The following PDE11A variants were observed in gnomAD, a reference collection of about 807,000 sequenced individuals.
The protein encoded by PDE11A is phosphodiesterase 11A.
PDE11A carries 100 observed loss-of-function variants against 100.5 expected under a neutral mutation model. That is an observed-to-expected ratio of 1.00 (90% confidence interval 0.85 to 1.18). PDE11A has a LOEUF of 1.18. Ranked by LOEUF, PDE11A falls within the 50% of genes most tolerant of loss-of-function variation. The pLI, the probability that PDE11A is intolerant of heterozygous loss-of-function variation, is 0.00. For synonymous variants in PDE11A, 381 were observed against 420.8 expected, an observed-to-expected ratio of 0.91 and a Z score of 1.16; for missense variants, 1,141 against 1,152.6, an observed-to-expected ratio of 0.99 and a Z score of 0.15.
intron 15 of PDE11A, among the ~76,000 whole-genome samples, chr2:177,695,406 G>A (rs151005690): frequency 3.3e-5 from 5 of 152,172 alleles, no homozygotes; most frequent in African/African-American, 9.6e-5. Context: ...AATGTTTCAT[G>A]GGACATCTAA....
At chr2:177,820,565 C>A (rs923954139) in intron 6 of PDE11A, among the ~76,000 whole-genome samples, 6 of 151,852 alleles carry the variant, frequency 4.0e-5, no homozygotes, top group African/African-American at 1.4e-4. Context: ...CCATAGAGAG[C>A]TGGACATAAA....
intron 5 of PDE11A, among the ~76,000 whole-genome samples, chr2:177,844,085 G>A (rs1193964391): frequency 1.3e-5 from 2 of 152,198 alleles, no homozygotes; most frequent in Admixed American, 1.3e-4. Flanking sequence ...GAGACAGATA[G>A]GAAAGTTGAT....
chr2:177,679,558 T>G (rs2080829432), intron 16 of PDE11A, among the ~76,000 whole-genome samples: 1 of 152,188 alleles, frequency 6.6e-6, no homozygotes, highest in South Asian at 2.1e-4. Flanking sequence ...ATTAGCAATG[T>G]TTGATTTGTT....
chr2:177,776,753 A>G (rs559795639), intron 9 of PDE11A, among the ~76,000 whole-genome samples: 7 of 152,304 alleles, frequency 4.6e-5, no homozygotes, highest in African/African-American at 7.2e-5. Flanking sequence ...CACAGAGAGA[A>G]GGTGGCCATC....
chr2:177,960,524 CTT>C (rs2085618636), intron 2 of PDE11A, among the ~76,000 whole-genome samples: 1 of 151,696 alleles, frequency 6.6e-6, no homozygotes, highest in Non-Finnish European at 1.5e-5. Context: ...TCAGAATAAA[CTT>C]AGGAGAACTA....
intron 10 of PDE11A, among the ~76,000 whole-genome samples, chr2:177,761,395 GC>G (rs138864290): frequency 0.011 from 1,637 of 152,244 alleles, 34 homozygotes; most frequent in African/African-American, 0.037. Context: ...AAGTTCTTTT[GC>G]CATAAAAATG....
chr2:177,749,909 C>T (rs1168217602), intron 10 of PDE11A, among the ~76,000 whole-genome samples: 3 of 152,118 alleles, frequency 2.0e-5, no homozygotes, highest in African/African-American at 4.8e-5. Context: ...TATGTAGGCT[C>T]ATATTAGGAA....
At chr2:177,718,053 C>G (rs1364608376) in intron 12 of PDE11A, among the ~76,000 whole-genome samples, 1 of 152,186 alleles carries the variant, frequency 6.6e-6, no homozygotes, top group Non-Finnish European at 1.5e-5. Flanking sequence ...TAAGAAGTGT[C>G]ATTAAGTGCC....
chr2:177,817,278 C>T (rs2083055332), intron 8 of PDE11A, among the ~76,000 whole-genome samples: 1 of 152,066 alleles, frequency 6.6e-6, no homozygotes, highest in African/African-American at 2.4e-5. Flanking sequence ...AGTTGCTAGG[C>T]TATAAAATAC....
At position 177,625,417 on chromosome 2, in the gene PDE11A, G is replaced by A. The variant is rs950280010; in HGVS notation, c.*3990C>T. On this transcript the variant is annotated 3_prime_UTR_variant, in exon 20 of 20. Coordinates refer to ENST00000286063, the MANE Select transcript of PDE11A (RefSeq NM_016953.4). ...CAGCTGGTGGCCAAGCTAGGAGGGA[G>A]TTCCAGTCTGCTATGCACTGAATGG... is the stretch of plus-strand genomic sequence containing the variant. 26 of 152,734 alleles carry A rather than the reference G, an allele frequency of 1.7e-4. No individual in the cohort carries two copies. The highest frequency in any genetic ancestry group is 6.0e-4 in the African/African-American group (25 of 41,554). 9.5% of individuals were successfully genotyped at this position (152,734 alleles called of 1,614,324 possible).
intron 10 of PDE11A, among the ~76,000 whole-genome samples, chr2:177,744,217 G>C (rs1396791002): frequency 6.6e-6 from 1 of 152,214 alleles, no homozygotes; most frequent in Admixed American, 6.5e-5. Context: ...GAGTTATTAA[G>C]TTGGGGGTAG....
rs1385440733 is a variant in PDE11A, at chr2:177,631,594, TATATATGTGTGTATATATATAC to T, written c.2647-2054_2647-2033del. Among the ~76,000 whole-genome samples the T allele has an allele frequency of 5.2e-4, 19 of 36,832 alleles. No homozygotes were observed. In the East Asian group the frequency reaches 0.021, roughly 41 times the overall value. The allele number at this position is 36,832 out of a possible 152,430, so 24.2% of individuals were successfully genotyped here. ...ACATGTATATATATATACACACACA[TATATATGTGTGTATATATATAC>T]ATATATGTGTGTGTATATATATACA... On this transcript the variant is annotated intron_variant, in intron 19 of 19. Transcript: ENST00000286063.
chr2:177,932,601 T>C (rs1312028243), intron 2 of PDE11A, among the ~76,000 whole-genome samples: 1 of 152,046 alleles, frequency 6.6e-6, no homozygotes, highest in Non-Finnish European at 1.5e-5. Context: ...AAGCTCTTGA[T>C]AAAAATCCAA....
At chr2:177,999,341 T>C (rs1217927829) in intron 2 of PDE11A, among the ~76,000 whole-genome samples, 1 of 152,246 alleles carries the variant, frequency 6.6e-6, no homozygotes, top group Non-Finnish European at 1.5e-5. Context: ...AACTGAAGAC[T>C]TATTCTGATG....
At chr2:178,050,073 G>C (rs112263192) in intron 1 of PDE11A, among the ~76,000 whole-genome samples, 1 of 151,952 alleles carries the variant, frequency 6.6e-6, no homozygotes, top group Non-Finnish European at 1.5e-5. Flanking sequence ...CCTGACCCCC[G>C]AGTAGCCTAA....
chr2:177,716,213 C>G (rs1433592005), intron 12 of PDE11A, among the ~76,000 whole-genome samples: 4 of 152,172 alleles, frequency 2.6e-5, no homozygotes, highest in Non-Finnish European at 5.9e-5. Context: ...CTGGTTATGG[C>G]AGAGGCAGGG....
At chr2:177,682,296 T>C (rs1046339778) in intron 15 of PDE11A, among the ~76,000 whole-genome samples, 10 of 152,218 alleles carry the variant, frequency 6.6e-5, no homozygotes, top group Non-Finnish European at 1.3e-4. Flanking sequence ...ATACATGTAT[T>C]GATTGATGTC....
At chr2:177,730,255 T>G (rs1186785442) in intron 10 of PDE11A, among the ~76,000 whole-genome samples, 4 of 152,144 alleles carry the variant, frequency 2.6e-5, no homozygotes, top group Non-Finnish European at 1.5e-5. Flanking sequence ...GATCCCGGTG[T>G]GTGATGTTCC....
intron 2 of PDE11A, among the ~76,000 whole-genome samples, chr2:177,945,077 C>A: frequency 6.6e-6 from 1 of 150,488 alleles, no homozygotes; most frequent in East Asian, 2.0e-4. Flanking sequence ...CAGCCTTGGC[C>A]TCCCGAGGTG....
Sources: gnomAD v4.1 joint callset for allele counts (sites outside exome capture counted in the v4.1 genomes callset) on GRCh38, gnomAD v4.1.1 for gene constraint, MANE v1.5 for transcripts, NCBI Gene and HGNC (gene_info 2026-07-23, HGNC 2026-07-21) for gene names.